PRMT8: variants seen among roughly 807,000 people sequenced by gnomAD.
The protein encoded by PRMT8 is protein arginine N-methyltransferase 8.
In PRMT8, 7 loss-of-function variants were observed where a neutral mutation model predicts 47.1. That is an observed-to-expected ratio of 0.15 (90% CI 0.08 to 0.28). The LOEUF is 0.28. PRMT8 is among the 10% of genes least tolerant of loss of function. The pLI is 1.00. For synonymous variants in PRMT8, 188 were observed against 186.5 expected (o/e 1.01, Z -0.07); for missense variants, 237 against 505.4 (o/e 0.47, Z 5.09).
chr12:3,473,761 A>G (rs1865182566), intron 1 of PRMT8, among the ~76,000 whole-genome samples: 1 of 151,678 alleles, frequency 6.6e-6, no homozygotes, highest in South Asian at 2.1e-4. Flanking sequence ...ATTGTCTCCA[A>G]CCACCCAATT....
intron 4 of PRMT8, among the ~76,000 whole-genome samples, chr12:3,558,608 T>C (rs1866568839): frequency 6.6e-6 from 1 of 152,220 alleles, no homozygotes; most frequent in Non-Finnish European, 1.5e-5. Context: ...GCTCAGACTT[T>C]CCTTGACTTT....
chr12:3,448,268 G>T (rs138199560), intron 1 of PRMT8, among the ~76,000 whole-genome samples: 1 of 152,160 alleles, frequency 6.6e-6, no homozygotes, highest in African/African-American at 2.4e-5. Context: ...GCCTCCCAAA[G>T]TGTTGGAATT....
At chr12:3,482,311 A>T (rs752412156) in intron 1 of PRMT8, among the ~76,000 whole-genome samples, 1 of 152,220 alleles carries the variant, frequency 6.6e-6, no homozygotes, top group Non-Finnish European at 1.5e-5. Context: ...ATATATGCAA[A>T]GTTGTTCTGA....
At chr12:3,536,564 A>C (rs536675946) in intron 1 of PRMT8, among the ~76,000 whole-genome samples, 1 of 152,170 alleles carries the variant, frequency 6.6e-6, no homozygotes, top group Admixed American at 6.5e-5. Flanking sequence ...TCCTCTCCTT[A>C]ATATATTTAA....
intron 1 of PRMT8, among the ~76,000 whole-genome samples, chr12:3,461,963 G>A (rs1865047281): frequency 6.6e-6 from 1 of 151,986 alleles, no homozygotes; most frequent in Non-Finnish European, 1.5e-5. Context: ...CATGTCACGA[G>A]GGTTTATTGT....
At chr12:3,403,889 AAAAAAAAAAG>A (rs1393851821) in intron 1 of PRMT8, among the ~76,000 whole-genome samples, 1 of 149,320 alleles carries the variant, frequency 6.7e-6, no homozygotes, top group African/African-American at 2.4e-5. Context: ...AAAAAAAAAA[AAAAAAAAAAG>A]AGAGAGAAAA....
chr12:3,414,491 A>T (rs576306345), intron 1 of PRMT8, among the ~76,000 whole-genome samples: 1 of 152,274 alleles, frequency 6.6e-6, no homozygotes, highest in East Asian at 1.9e-4. Context: ...CTTGAGAAGG[A>T]GCCTGCAAGC....
chr12:3,435,120 C>G (rs1864724897), intron 1 of PRMT8, among the ~76,000 whole-genome samples: 1 of 152,070 alleles, frequency 6.6e-6, no homozygotes, highest in Admixed American at 6.5e-5. Flanking sequence ...AGGCACCCAC[C>G]ACCACACCCG....
chr12:3,429,339 A>G (rs1487975408), intron 1 of PRMT8, among the ~76,000 whole-genome samples: 2 of 152,212 alleles, frequency 1.3e-5, no homozygotes, highest in Non-Finnish European at 2.9e-5. Context: ...TCCTGGTGTC[A>G]TGGTAACACC....
At chr12:3,475,159 C>T (rs1213574099) in intron 1 of PRMT8, among the ~76,000 whole-genome samples, 2 of 152,148 alleles carry the variant, frequency 1.3e-5, no homozygotes, top group South Asian at 2.1e-4. Context: ...GCCCTCACTT[C>T]GCCTAGTGCA....
intron 1 of PRMT8, among the ~76,000 whole-genome samples, chr12:3,510,166 A>C (rs935062827): frequency 6.6e-6 from 1 of 152,170 alleles, no homozygotes; most frequent in Non-Finnish European, 1.5e-5. Flanking sequence ...TCCTGAGGCC[A>C]AGGCTCCTAA....
rs1865432048 is a variant in PRMT8, at chr12:3,492,350, G to T, written c.75+650G>T. On this transcript the variant is annotated intron_variant, in intron 1 of 9. Coordinates refer to ENST00000382622, the MANE Select transcript of PRMT8 (RefSeq NM_019854.5). The surrounding 1 kb of genome is among the most constrained non-coding windows in gnomAD (Gnocchi z 7.5). ...AGCCGCCTCTGGGTAGCTAAACCCG[G>T]CAGGGCACACGGGCCGCGGCCACCT... Among the ~76,000 whole-genome samples, 1 of 152,086 alleles carries T rather than the reference G, an allele frequency of 6.6e-6. No homozygotes were observed. The highest frequency in any genetic ancestry group is 1.5e-5 in the Non-Finnish European group (1 of 67,988).
Position 3,532,399 on chromosome 12 carries a change from C to T in PRMT8, c.76-8207C>T, listed in dbSNP as rs1193088022. Among the ~76,000 whole-genome samples the T allele has an allele frequency of 3.3e-5, 5 of 150,458 alleles. No individual in the cohort carries two copies. In the East Asian group the frequency reaches 9.7e-4, roughly 29 times the overall value. On this transcript the variant is annotated intron_variant, in intron 1 of 9. Coordinates refer to ENST00000382622, the MANE Select transcript of PRMT8 (RefSeq NM_019854.5). The stretch of plus-strand genomic sequence containing the variant: ...CCGAGGCAGGTGGATCACCTGAGGT[C>T]AGGAGTTCGAGACCAGCCTGGCCAA...
At chr12:3,422,997 TGAA>T (rs1308251071) in intron 1 of PRMT8, among the ~76,000 whole-genome samples, 1 of 152,246 alleles carries the variant, frequency 6.6e-6, no homozygotes, top group African/African-American at 2.4e-5. Context: ...TTTTGTTATT[TGAA>T]GAAGTACAGG....
At chr12:3,534,317 C>T (rs1368658243) in intron 1 of PRMT8, among the ~76,000 whole-genome samples, 1 of 152,222 alleles carries the variant, frequency 6.6e-6, no homozygotes, top group African/African-American at 2.4e-5. Flanking sequence ...CAGCAGGAGC[C>T]ATTTATAGCC....
chr12:3,474,171 G>A (rs1865186490), intron 1 of PRMT8, among the ~76,000 whole-genome samples: 1 of 152,156 alleles, frequency 6.6e-6, no homozygotes, highest in Admixed American at 6.5e-5. Context: ...ACTCCTTAGT[G>A]GGGCATCCAA....
At chr12:3,592,185 G>T (rs759317892) in intron 8 of PRMT8, 46 bp from the exon 9 acceptor site, 1 of 1,529,642 alleles carries the variant, frequency 6.5e-7, no homozygotes, top group Admixed American at 2.4e-5. Context: ...TGGAGACTTC[G>T]TCTCTGACTC....
chr12:3,416,821 T>G (rs1441897281), intron 1 of PRMT8, among the ~76,000 whole-genome samples: 1 of 152,206 alleles, frequency 6.6e-6, no homozygotes, highest in Non-Finnish European at 1.5e-5. Flanking sequence ...CTGGAGAGAT[T>G]AGAAACTGCC....
chr12:3,508,470 G>A lies in PRMT8; in HGVS notation c.75+16770G>A, dbSNP rs895393056. ...CTGACATCTGAACGCGGGAGAGTGT[G>A]TTTCCTGTGAGAAACATGTTAAGGT... On this transcript the variant is annotated intron_variant, in intron 1 of 9. Transcript: ENST00000382622. The surrounding 1 kb of genome is among the most constrained non-coding windows in gnomAD (Gnocchi z 4.9). 6.6e-6 allele frequency among the ~76,000 whole-genome samples: 1 copy of A among 152,202 alleles called. No individual in the cohort carries two copies. The highest frequency in any genetic ancestry group is 2.4e-5 in the African/African-American group (1 of 41,444).
Sources: allele counts gnomAD v4.1 joint callset (sites outside exome capture counted in the v4.1 genomes callset), GRCh38; gene constraint gnomAD v4.1.1; non-coding constraint Gnocchi (gnomAD v3.1); transcripts MANE v1.5; gene names NCBI Gene and HGNC (gene_info 2026-07-23, HGNC 2026-07-21).